Variants in FBXL17 observed in about 807,000 individuals in gnomAD.
FBXL17 encodes F-box/LRR-repeat protein 17.
A neutral mutation model predicts 66.2 loss-of-function variants in FBXL17; 22 were observed. The observed-to-expected ratio is 0.33, with a 90% CI of 0.24 to 0.47. The LOEUF (loss-of-function observed/expected upper bound fraction) is 0.47, where lower values mean the gene tolerates loss of function less well. Among genes scored for constraint, FBXL17 ranks in the 20% least tolerant of loss-of-function variants. FBXL17 has a pLI of 1.00. For synonymous variants in FBXL17, 474 were observed against 400.5 expected, an observed-to-expected ratio of 1.18 and a Z score of -2.19; for missense variants, 878 against 948.2, an observed-to-expected ratio of 0.93 and a Z score of 0.97.
intron 7 of FBXL17, among the ~76,000 whole-genome samples, chr5:107,950,552 C>G (rs1339812207): frequency 6.6e-6 from 1 of 152,078 alleles, no homozygotes; most frequent in Admixed American, 6.6e-5. Context: ...ACAGAATGTA[C>G]AAATATGCCA....
chr5:108,368,325 T>C (rs1417983166), intron 1 of FBXL17, among the ~76,000 whole-genome samples: 1 of 151,292 alleles, frequency 6.6e-6, no homozygotes, highest in Non-Finnish European at 1.5e-5. Context: ...GAAGAAAGAG[T>C]GATAAACTTG....
chr5:107,897,058 G>A (rs1239340755), intron 7 of FBXL17, among the ~76,000 whole-genome samples: 2 of 151,894 alleles, frequency 1.3e-5, no homozygotes, highest in Admixed American at 6.6e-5. Flanking sequence ...AGCAAAAGAT[G>A]GTTTGATAAT....
intron 6 of FBXL17, among the ~76,000 whole-genome samples, chr5:108,031,529 C>T (rs531567687): frequency 6.6e-6 from 1 of 152,090 alleles, no homozygotes; most frequent in East Asian, 1.9e-4. Context: ...AAAGAAGCTA[C>T]AAAAAGGCTA....
At chr5:108,080,305 G>T (rs1241494041) in intron 6 of FBXL17, among the ~76,000 whole-genome samples, 1 of 152,142 alleles carries the variant, frequency 6.6e-6, no homozygotes, top group Non-Finnish European at 1.5e-5. Context: ...TCTGCAGTAA[G>T]AATAGAATTT....
intron 7 of FBXL17, among the ~76,000 whole-genome samples, chr5:107,923,300 T>C (rs1187602409): frequency 6.6e-6 from 1 of 152,186 alleles, no homozygotes; most frequent in Non-Finnish European, 1.5e-5. Context: ...TTGCCTCCAA[T>C]ACACTCTGCC....
At chr5:107,970,306 C>T (rs935181354) in intron 7 of FBXL17, among the ~76,000 whole-genome samples, 2 of 152,070 alleles carry the variant, frequency 1.3e-5, no homozygotes, top group African/African-American at 4.8e-5. Flanking sequence ...GAGAGCTGCA[C>T]TACTTGCAGA....
chr5:108,112,032 G>C (rs1316785757), intron 6 of FBXL17, among the ~76,000 whole-genome samples: 1 of 152,140 alleles, frequency 6.6e-6, no homozygotes, highest in Non-Finnish European at 1.5e-5. Context: ...ATGCGGCAAG[G>C]GAAAGGAGAT....
intron 3 of FBXL17, among the ~76,000 whole-genome samples, chr5:108,352,931 A>G (rs1199630436): frequency 1.3e-5 from 2 of 152,166 alleles, no homozygotes; most frequent in East Asian, 1.9e-4. Flanking sequence ...TGAGACACCA[A>G]AAAGATGGTA....
At chr5:107,973,354 ATTTTTT>A (rs200079422) in intron 7 of FBXL17, among the ~76,000 whole-genome samples, 1 of 120,434 alleles carries the variant, frequency 8.3e-6, no homozygotes. Flanking sequence ...TTTTTTTGTA[ATTTTTT>A]TTTTTTTTTT....
intron 6 of FBXL17, among the ~76,000 whole-genome samples, chr5:108,166,736 T>C (rs1303243797): frequency 6.6e-6 from 1 of 152,190 alleles, no homozygotes; most frequent in Admixed American, 6.5e-5. Context: ...ATCAGATCCT[T>C]TGATTCTTGG....
chr5:108,038,729 C>CA (rs1201766326), intron 6 of FBXL17, among the ~76,000 whole-genome samples: 1 of 151,818 alleles, frequency 6.6e-6, no homozygotes, highest in Non-Finnish European at 1.5e-5. Context: ...AGGCAATTCA[C>CA]AAAAAAATAT....
intron 7 of FBXL17, among the ~76,000 whole-genome samples, chr5:108,008,176 T>G (rs888097787): frequency 9.9e-5 from 15 of 152,232 alleles, no homozygotes; most frequent in Admixed American, 8.5e-4. Context: ...AGAAATCATG[T>G]GCAAATATCA....
chr5:107,884,459 G>A (rs542395625), intron 7 of FBXL17, among the ~76,000 whole-genome samples: 2 of 152,330 alleles, frequency 1.3e-5, no homozygotes, highest in South Asian at 4.1e-4. Flanking sequence ...GCAGCACCTA[G>A]GGTGGGAGTA....
At chr5:107,869,079 C>T (rs1041865046) in intron 8 of FBXL17, among the ~76,000 whole-genome samples, 1 of 152,174 alleles carries the variant, frequency 6.6e-6, no homozygotes, top group Non-Finnish European at 1.5e-5. Flanking sequence ...TCTGTGAAGG[C>T]ATCACAAATA....
chr5:108,139,828 T>C (rs193088396), intron 6 of FBXL17, among the ~76,000 whole-genome samples: 1 of 152,290 alleles, frequency 6.6e-6, no homozygotes, highest in East Asian at 1.9e-4. Context: ...ATTACCTTAT[T>C]CTTAACTACT....
intron 4 of FBXL17, among the ~76,000 whole-genome samples, chr5:108,345,353 G>GA (rs970893461): frequency 1.7e-4 from 25 of 148,880 alleles, no homozygotes; most frequent in African/African-American, 3.5e-4. Context: ...AAAAAAAAAA[G>GA]AAAAAAAAAT....
chr5:108,367,251 T>C (rs537577410), intron 2 of FBXL17, among the ~76,000 whole-genome samples: 1 of 152,176 alleles, frequency 6.6e-6, no homozygotes, highest in Non-Finnish European at 1.5e-5. Flanking sequence ...CTACAAACTC[T>C]TTTTTCCTAA....
intron 4 of FBXL17, among the ~76,000 whole-genome samples, chr5:108,319,021 C>T (rs898801944): frequency 2.0e-4 from 31 of 151,988 alleles, no homozygotes; most frequent in Admixed American, 5.3e-4. Flanking sequence ...GAGCATTCTG[C>T]TTTGTCTACT....
chr5:108,083,980 G>T (rs539399684), intron 6 of FBXL17, among the ~76,000 whole-genome samples: 1 of 152,140 alleles, frequency 6.6e-6, no homozygotes, highest in Non-Finnish European at 1.5e-5. Context: ...ATGTAAAATA[G>T]TTTCCGACTG....
Sources: gnomAD v4.1 joint callset for allele counts (sites outside exome capture counted in the v4.1 genomes callset) on GRCh38, gnomAD v4.1.1 for gene constraint, MANE v1.5 for transcripts, NCBI Gene and HGNC (gene_info 2026-07-23, HGNC 2026-07-21) for gene names.